The following PARD3 variants were observed in gnomAD, a reference collection of about 807,000 sequenced individuals.
PARD3 encodes the protein par-3 family cell polarity regulator, also known as partitioning defective 3 homolog.
PARD3 carries 75 observed loss-of-function variants against 155.4 expected under a neutral mutation model. That is an observed-to-expected ratio of 0.48 (90% CI 0.40 to 0.58). The LOEUF is 0.58. Among genes scored for constraint, PARD3 ranks in the 20% least tolerant of loss-of-function variants. The probability of loss-of-function intolerance (pLI) is 0.00; values close to 1 mark genes in which losing one functional copy is unlikely to be tolerated. For missense variants in PARD3, 1,642 were observed against 1,721.7 expected, an observed-to-expected ratio of 0.95 and a Z score of 0.82; for synonymous variants, 576 against 610.5, an observed-to-expected ratio of 0.94 and a Z score of 0.83.
rs187973484 is a variant in PARD3, at chr10:34,708,177, C to A, written c.121-11758G>T. Among the ~76,000 whole-genome samples, 6 of 151,794 alleles carry A rather than the reference C, an allele frequency of 4.0e-5. No individual in the cohort carries two copies. The East Asian group carries it at 1.2e-3, about 29-fold the overall frequency. On this transcript the variant is annotated intron_variant, in intron 1 of 24. Coordinates refer to ENST00000374788, the MANE Select transcript of PARD3 (RefSeq NM_001184785.2). ...GGATAGAGAACCAAGGTAAACAATA[C>A]CATAAGGAAACAATCAGACAAATCC...
At chr10:34,291,364 G>A (rs929597070) in intron 20 of PARD3, among the ~76,000 whole-genome samples, 3 of 152,188 alleles carry the variant, frequency 2.0e-5, no homozygotes, top group Non-Finnish European at 2.9e-5. Context: ...ACTTGGATAT[G>A]CCTAAGAGAA....
rs71033342 is a variant in PARD3 at position 34,725,105 on chromosome 10, TTGTGTGTGTGTGTGTG to T, written c.121-28702_121-28687del. Among the ~76,000 whole-genome samples the T allele has an allele frequency of 3.1e-3, 422 of 135,884 alleles. 13 individuals are homozygous for T. The East Asian group carries it at 0.067, about 22-fold the overall frequency. The allele number at this position is 135,884 out of a possible 152,430, so 89.1% of individuals were successfully genotyped here. On this transcript the variant is annotated intron_variant, in intron 1 of 24. Coordinates refer to ENST00000374788, the MANE Select transcript of PARD3 (RefSeq NM_001184785.2). ...TAAAAGGATTGAATGAGTCAAAACT[TTGTGTGTGTGTGTGTG>T]TGTGTGTGTGTGTGTGTGTGTGTGT...
intron 4 of PARD3, among the ~76,000 whole-genome samples, chr10:34,454,786 T>C (rs1056384936): frequency 2.6e-5 from 4 of 152,160 alleles, no homozygotes; most frequent in African/African-American, 9.7e-5. Context: ...TTCCTTATCA[T>C]CTAAATGTAC....
intron 18 of PARD3, among the ~76,000 whole-genome samples, chr10:34,335,952 A>G (rs1836131669): frequency 6.6e-6 from 1 of 152,118 alleles, no homozygotes; most frequent in South Asian, 2.1e-4. Context: ...TATAATTAAG[A>G]AAATCTAGGT....
intron 2 of PARD3, among the ~76,000 whole-genome samples, chr10:34,686,415 A>C (rs1182876470): frequency 6.9e-6 from 1 of 145,162 alleles, no homozygotes; most frequent in Non-Finnish European, 1.5e-5. Context: ...AAACTTCAGT[A>C]TGTATTAATA....
chr10:34,779,726 G>C (rs967866028), intron 1 of PARD3, among the ~76,000 whole-genome samples: 1 of 152,216 alleles, frequency 6.6e-6, no homozygotes, highest in Non-Finnish European at 1.5e-5. Flanking sequence ...TGCATTACCT[G>C]ACACACACAG....
intron 5 of PARD3, among the ~76,000 whole-genome samples, chr10:34,424,256 G>C (rs906882586): frequency 1.3e-5 from 2 of 152,052 alleles, no homozygotes; most frequent in Non-Finnish European, 2.9e-5. Context: ...CAAACATAAA[G>C]AGTTTCTTAG....
intron 22 of PARD3, among the ~76,000 whole-genome samples, chr10:34,199,436 G>T (rs629039): frequency 2.6e-5 from 4 of 151,932 alleles, no homozygotes; most frequent in Non-Finnish European, 5.9e-5. Flanking sequence ...GAGGACTAAG[G>T]GGTAATTGCC....
chr10:34,362,631 G>A (rs7910834), intron 12 of PARD3, among the ~76,000 whole-genome samples: 89,013 of 151,950 alleles, frequency 0.59, 27,767 homozygotes, highest in African/African-American at 0.82. Flanking sequence ...GAGTAGCTGG[G>A]ACTACAGGAA....
intron 22 of PARD3, among the ~76,000 whole-genome samples, chr10:34,245,381 C>T (rs1294056765): frequency 6.6e-6 from 1 of 152,002 alleles, no homozygotes; most frequent in Non-Finnish European, 1.5e-5. Context: ...GCAGTGCTTC[C>T]CTAGAATGAG....
At chr10:34,534,466 T>G (rs1346724784) in intron 2 of PARD3, among the ~76,000 whole-genome samples, 1 of 152,132 alleles carries the variant, frequency 6.6e-6, no homozygotes. Flanking sequence ...ACATTTTCAC[T>G]GACTAGTGGG....
At chr10:34,250,566 C>A (rs994923458) in intron 22 of PARD3, among the ~76,000 whole-genome samples, 4 of 151,590 alleles carry the variant, frequency 2.6e-5, no homozygotes, top group Middle Eastern at 6.8e-3. Context: ...GTAGTTGACC[C>A]AGGTAAGTGG....
intron 5 of PARD3, among the ~76,000 whole-genome samples, chr10:34,433,678 A>T (rs191569048): frequency 1.3e-5 from 2 of 152,332 alleles, no homozygotes; most frequent in African/African-American, 4.8e-5. Context: ...GAGATTCTTG[A>T]AAAGTTAATC....
chr10:34,482,789 A>C (rs890487202), intron 3 of PARD3, among the ~76,000 whole-genome samples: 14 of 152,112 alleles, frequency 9.2e-5, no homozygotes, highest in East Asian at 3.9e-4. Flanking sequence ...AAGAAAAAAG[A>C]AGCAAGTTAG....
chr10:34,424,069 T>C (rs1215929230), intron 5 of PARD3, among the ~76,000 whole-genome samples: 1 of 152,210 alleles, frequency 6.6e-6, no homozygotes, highest in African/African-American at 2.4e-5. Context: ...AATATTTCTA[T>C]ATTTGCAAGT....
intron 3 of PARD3, among the ~76,000 whole-genome samples, chr10:34,480,053 C>T (rs757585883): frequency 1.3e-5 from 2 of 152,242 alleles, no homozygotes; most frequent in African/African-American, 4.8e-5. Flanking sequence ...TCTGTCAATG[C>T]CCTGCTGCTG....
chr10:34,152,405 G>A (rs899625197), intron 22 of PARD3, among the ~76,000 whole-genome samples: 24 of 152,246 alleles, frequency 1.6e-4, no homozygotes, highest in African/African-American at 5.8e-4. Context: ...AACCTGTACA[G>A]CATGTGAGTG....
At position 34,402,012 on chromosome 10, in the gene PARD3, T is replaced by C. The variant is rs1051208028; in HGVS notation, c.715-95A>G. On this transcript the variant is annotated intron_variant, in intron 5 of 24. Coordinates refer to ENST00000374788, the MANE Select transcript of PARD3 (RefSeq NM_001184785.2). ...GGATAAAATGGAAGTCTAATAGGCA[T>C]TATGATCTTGGTAACTGTTTCCTCT... is the stretch of plus-strand genomic sequence containing the variant. The C allele has an allele frequency of 4.2e-6, 4 of 947,574 alleles. No individual in the cohort carries two copies. In the African/African-American group the frequency reaches 4.8e-5, roughly 11 times the overall value. 58.7% of individuals were successfully genotyped at this position (947,574 alleles called of 1,614,324 possible).
rs551645195 is a variant in PARD3 at position 34,384,535 on chromosome 10, C to T, written c.891-281G>A. 2.6e-5 allele frequency among the ~76,000 whole-genome samples: 4 copies of T among 152,310 alleles called. No homozygotes were observed. In the South Asian group the frequency reaches 8.3e-4, roughly 32 times the overall value. ...TCTCTCTGTTTACAAATGCCCCAAA[C>T]AGAGCCCGCCTAATGGTTGAGTGGG... On this transcript the variant is annotated intron_variant, in intron 7 of 24. Coordinates refer to ENST00000374788, the MANE Select transcript of PARD3 (RefSeq NM_001184785.2).
Sources: gnomAD v4.1 joint callset for allele counts (sites outside exome capture counted in the v4.1 genomes callset) on GRCh38, gnomAD v4.1.1 for gene constraint, MANE v1.5 for transcripts, NCBI Gene and HGNC (gene_info 2026-07-23, HGNC 2026-07-21) for gene names.